Variants in CACNB2 observed in about 807,000 individuals in gnomAD.
CACNB2 encodes the protein calcium voltage-gated channel auxiliary subunit beta 2.
In CACNB2, 42 loss-of-function variants were observed where a neutral mutation model predicts 73.3. The observed-to-expected ratio is 0.57, with a 90% confidence interval of 0.45 to 0.74. The LOEUF is 0.74. Ranked by LOEUF, CACNB2 falls within the 30% of genes least tolerant of loss-of-function variation. The pLI is 0.00. For synonymous variants in CACNB2, 348 were observed against 310.3 expected (o/e 1.12, Z -1.28); for missense variants, 940 against 853.0 (o/e 1.10, Z -1.27).
At chr10:18,239,664 G>A (rs2036575012) in intron 2 of CACNB2, among the ~76,000 whole-genome samples, 1 of 152,094 alleles carries the variant, frequency 6.6e-6, no homozygotes, top group African/African-American at 2.4e-5. Context: ...GTATGTAATA[G>A]ACCTTATCTA....
intron 2 of CACNB2, among the ~76,000 whole-genome samples, chr10:18,372,670 G>C (rs540247114): frequency 2.6e-4 from 39 of 152,278 alleles, no homozygotes; most frequent in African/African-American, 8.7e-4. Flanking sequence ...GCCTCCCAAA[G>C]TGCTGGGATT....
At chr10:18,451,528 G>A (rs1327237808) in intron 3 of CACNB2, among the ~76,000 whole-genome samples, 1 of 152,166 alleles carries the variant, frequency 6.6e-6, no homozygotes, top group Non-Finnish European at 1.5e-5. Flanking sequence ...AAGTTTTTCT[G>A]ATTTGGTGTA....
At chr10:18,359,382 C>T (rs1209592160) in intron 2 of CACNB2, among the ~76,000 whole-genome samples, 1 of 152,138 alleles carries the variant, frequency 6.6e-6, no homozygotes, top group Non-Finnish European at 1.5e-5. Flanking sequence ...AGTGATTCTC[C>T]CACCTCAGCC....
chr10:18,264,223 G>A (rs113287793), intron 2 of CACNB2, among the ~76,000 whole-genome samples: 5 of 152,188 alleles, frequency 3.3e-5, no homozygotes, highest in African/African-American at 1.2e-4. Flanking sequence ...TATTTATGGG[G>A]TACATAAGAT....
intron 1 of CACNB2, chr10:18,141,339 G>A (rs2030379179): frequency 1.1e-6 from 1 of 877,284 alleles, no homozygotes; most frequent in Non-Finnish European, 1.9e-6. Flanking sequence ...AGGTGGGCAG[G>A]AGGGGAGCGA....
intron 1 of CACNB2, among the ~76,000 whole-genome samples, chr10:18,150,148 G>A (rs528290582): frequency 6.6e-6 from 1 of 152,198 alleles, no homozygotes; most frequent in East Asian, 1.9e-4. Flanking sequence ...TTTATTCTTA[G>A]GGTTCTGAAT....
chr10:18,320,134 A>G (rs1430132237), intron 2 of CACNB2, among the ~76,000 whole-genome samples: 6 of 151,818 alleles, frequency 4.0e-5, no homozygotes, highest in African/African-American at 1.2e-4. Flanking sequence ...TCCTCCATAA[A>G]CTGATATCTC....
intron 2 of CACNB2, chr10:18,401,229 T>A: frequency 9.2e-7 from 1 of 1,081,938 alleles, no homozygotes; most frequent in Non-Finnish European, 1.4e-6. Flanking sequence ...AGAGGGAAGC[T>A]AGGGAGATTC....
intron 2 of CACNB2, among the ~76,000 whole-genome samples, chr10:18,189,626 A>C (rs1588658684): frequency 6.6e-6 from 1 of 152,296 alleles, no homozygotes; most frequent in African/African-American, 2.4e-5. Flanking sequence ...TTTATTATAA[A>C]AATTGTGTTG....
intron 3 of CACNB2, among the ~76,000 whole-genome samples, chr10:18,442,291 A>G (rs928965336): frequency 3.3e-5 from 5 of 151,944 alleles, no homozygotes; most frequent in Non-Finnish European, 7.4e-5. Flanking sequence ...CTGGGATTAC[A>G]GGTGCCTGCA....
intron 3 of CACNB2, among the ~76,000 whole-genome samples, chr10:18,437,260 T>C (rs2046182266): frequency 6.6e-6 from 1 of 152,166 alleles, no homozygotes; most frequent in South Asian, 2.1e-4. Context: ...TTTCAGAGGA[T>C]TTTTTAAAAA....
chr10:18,532,676 C>CAAAAAAAAAAAAAAAA (rs1219587375), intron 10 of CACNB2, among the ~76,000 whole-genome samples: 56 of 92,516 alleles, frequency 6.1e-4, no homozygotes, highest in South Asian at 1.0e-3. Flanking sequence ...GACTCTGTCT[C>CAAAAAAAAAAAAAAAA]AAAAAAAAAA....
In CACNB2 at chr10:18,256,321, C is replaced by G. The variant is rs921404817; in HGVS notation, c.213+105346C>G. ...ACAGACAAGTATACAAGCTCAAAAG[C>G]TTTCAATTTCTTGCTGAAGTTGAAC... On this transcript the variant is annotated intron_variant, in intron 2 of 13. Transcript: ENST00000324631. Among the ~76,000 whole-genome samples the G allele has an allele frequency of 2.6e-5, 4 of 152,162 alleles. No homozygotes were observed. The East Asian group carries it at 7.7e-4, about 29-fold the overall frequency.
At chr10:18,246,565 A>T in intron 2 of CACNB2, among the ~76,000 whole-genome samples, 1 of 151,954 alleles carries the variant, frequency 6.6e-6, no homozygotes, top group Middle Eastern at 3.2e-3. Flanking sequence ...ATGTTTACAC[A>T]CCCAGCTGTT....
At chr10:18,227,122 G>T (rs2036023047) in intron 2 of CACNB2, among the ~76,000 whole-genome samples, 1 of 152,164 alleles carries the variant, frequency 6.6e-6, no homozygotes, top group South Asian at 2.1e-4. Flanking sequence ...ATGATAGGAA[G>T]AATTTTATGT....
chr10:18,145,799 C>T (rs184548164), intron 1 of CACNB2, among the ~76,000 whole-genome samples: 1 of 152,274 alleles, frequency 6.6e-6, no homozygotes, highest in East Asian at 1.9e-4. Flanking sequence ...GAGAAAACTA[C>T]TTATGACATC....
chr10:18,242,588 A>G (rs545398925), intron 2 of CACNB2, among the ~76,000 whole-genome samples: 2 of 151,606 alleles, frequency 1.3e-5, no homozygotes, highest in Non-Finnish European at 2.9e-5. Flanking sequence ...AACATCACAT[A>G]AACAGTTTCT....
chr10:18,231,656 A>C (rs1416001748), intron 2 of CACNB2, among the ~76,000 whole-genome samples: 3 of 152,220 alleles, frequency 2.0e-5, no homozygotes, highest in Non-Finnish European at 4.4e-5. Context: ...TAAGTGATTG[A>C]TTGACAGCTG....
At chr10:18,172,343 G>A (rs534535629) in intron 2 of CACNB2, among the ~76,000 whole-genome samples, 9 of 152,264 alleles carry the variant, frequency 5.9e-5, no homozygotes, top group African/African-American at 1.9e-4. Context: ...CAGCCTGGGC[G>A]ACACAGCAAG....
Sources: allele counts gnomAD v4.1 joint callset (sites outside exome capture counted in the v4.1 genomes callset), GRCh38; gene constraint gnomAD v4.1.1; transcripts MANE v1.5; gene names NCBI Gene and HGNC (gene_info 2026-07-23, HGNC 2026-07-21).